The following PLXNA4 variants were observed in gnomAD, a reference collection of about 807,000 sequenced individuals.
The protein encoded by PLXNA4 is plexin A4.
Under a neutral mutation model 191.8 loss-of-function variants are expected in PLXNA4, and 44 were observed. That is an observed-to-expected ratio of 0.23 (90% CI 0.18 to 0.29). The LOEUF is 0.29. PLXNA4 is among the 10% of genes least tolerant of loss of function. The pLI, the probability that PLXNA4 is intolerant of heterozygous loss-of-function variation, is 1.00. For synonymous variants in PLXNA4, 1,082 were observed against 1,009.5 expected (o/e 1.07, Z -1.36); for missense variants, 1,800 against 2,488.8 (o/e 0.72, Z 5.89).
chr7:132,389,878 C>A (rs1256106181), intron 3 of PLXNA4, among the ~76,000 whole-genome samples: 1 of 152,122 alleles, frequency 6.6e-6, no homozygotes, highest in Non-Finnish European at 1.5e-5. Flanking sequence ...TACCATCTCA[C>A]ACCAGTTAGA....
At chr7:132,166,806 G>GT (rs1268634022) in intron 22 of PLXNA4, among the ~76,000 whole-genome samples, 1 of 152,152 alleles carries the variant, frequency 6.6e-6, no homozygotes. Flanking sequence ...AATTATGCCA[G>GT]TGGGTGGCTG....
chr7:132,494,157 G>T lies in PLXNA4; in HGVS notation c.1189-4683C>A, dbSNP rs1214159991. Among the ~76,000 whole-genome samples, 3 of 152,180 alleles carry T rather than the reference G, an allele frequency of 2.0e-5. No homozygotes were observed. In the East Asian group the frequency reaches 5.8e-4, roughly 29 times the overall value. ...ATGGTATCTATCTCAGAGGTATCAT[G>T]AAAATTAAAGGGGCTAATGTTGTGA... is the stretch of plus-strand genomic sequence containing the variant. On this transcript the variant is annotated intron_variant, in intron 2 of 31. Transcript: ENST00000321063.
At chr7:132,209,835 A>AG (rs1474812200) in intron 10 of PLXNA4, among the ~76,000 whole-genome samples, 2 of 152,280 alleles carry the variant, frequency 1.3e-5, no homozygotes, top group East Asian at 3.9e-4. Flanking sequence ...GTGACATAGG[A>AG]GGGGTCCTCA....
chr7:132,562,985 T>C (rs144302808), intron 1 of PLXNA4, among the ~76,000 whole-genome samples: 615 of 7,492 alleles, frequency 0.082, no homozygotes, highest in East Asian at 0.22. Context: ...TCCTCCTCCT[T>C]CTCCTCCTCC....
chr7:132,647,976 T>A (rs1275203263), intron 1 of PLXNA4, among the ~76,000 whole-genome samples: 1 of 151,672 alleles, frequency 6.6e-6, no homozygotes, highest in East Asian at 1.9e-4. Context: ...TATACTCACA[T>A]AAACACTCAT....
chr7:132,641,637 G>A (rs975617743), intron 2 of PLXNA4, among the ~76,000 whole-genome samples: 2 of 152,096 alleles, frequency 1.3e-5, no homozygotes, highest in East Asian at 1.9e-4. Flanking sequence ...CTTATCTTTC[G>A]AATAATAAAA....
At chr7:132,274,273 T>A (rs1800188189) in intron 4 of PLXNA4, among the ~76,000 whole-genome samples, 1 of 151,394 alleles carries the variant, frequency 6.6e-6, no homozygotes, top group Non-Finnish European at 1.5e-5. Context: ...TATGTATATA[T>A]ATATATATAT....
At chr7:132,228,844 C>A (rs1380973992) in intron 5 of PLXNA4, among the ~76,000 whole-genome samples, 1 of 152,174 alleles carries the variant, frequency 6.6e-6, no homozygotes, top group Non-Finnish European at 1.5e-5. Context: ...AGAAAATATA[C>A]CTCCTTGGCT....
rs78724325 is a variant in PLXNA4, at chr7:132,546,438, C to T, written c.-87+29984G>A. ...ATGCACCAGTAAAATTTTTTTAAGT[C>T]CAGAGAAAGTAGAACTCTGGTGAAA... On this transcript the variant is annotated intron_variant, in intron 1 of 31. Transcript: ENST00000321063. Among the ~76,000 whole-genome samples the T allele has an allele frequency of 4.6e-5, 7 of 152,134 alleles. No homozygotes were observed. In the East Asian group the frequency reaches 1.4e-3, roughly 29 times the overall value.
At chr7:132,515,696 C>T (rs552899737) in intron 1 of PLXNA4, among the ~76,000 whole-genome samples, 2 of 152,178 alleles carry the variant, frequency 1.3e-5, no homozygotes, top group African/African-American at 4.8e-5. Context: ...TGAGCATTTG[C>T]CTTAGGAGCT....
chr7:132,443,489 C>G (rs1197878003), intron 3 of PLXNA4, among the ~76,000 whole-genome samples: 1 of 152,190 alleles, frequency 6.6e-6, no homozygotes, highest in African/African-American at 2.4e-5. Flanking sequence ...ACTGTGATCT[C>G]TCTGCCCTCT....
chr7:132,307,010 C>T (rs936910335), intron 3 of PLXNA4, among the ~76,000 whole-genome samples: 15 of 152,034 alleles, frequency 9.9e-5, no homozygotes, highest in Non-Finnish European at 2.1e-4. Context: ...AGAAAGGGGA[C>T]CTTCCTTGTG....
chr7:132,133,077 A>C lies in PLXNA4; in HGVS notation c.5561T>G (p.Phe1854Cys). 1 of 1,614,062 alleles carries C rather than the reference A, an allele frequency of 6.2e-7. No individual in the cohort carries two copies. The highest frequency in any genetic ancestry group is 8.5e-7 in the Non-Finnish European group (1 of 1,179,992). Residue 1854 changes from phenylalanine to cysteine, a missense_variant, in exon 31 of 32, where the codon TTC becomes TGC. Around this residue, in one of 6 missense-constraint regions of PLXNA4, gnomAD observed 83 missense variants for 81.6 expected, o/e 1.02. Transcript: ENST00000321063. Reference sequence around the variant, plus strand: ...CTCGCTGTATTTGCCCACATAGGAGAAGATCTCTGAGAGTGCACTCATGGT... The same window carrying C: ...CTCGCTGTATTTGCCCACATAGGAGCAGATCTCTGAGAGTGCACTCATGGT... Reference protein sequence around the residue: ...FNTMSALSEIFSYVGKYSEEI... With the variant: ...FNTMSALSEICSYVGKYSEEI...
At chr7:132,446,200 C>T (rs888749803) in intron 3 of PLXNA4, among the ~76,000 whole-genome samples, 1 of 152,202 alleles carries the variant, frequency 6.6e-6, no homozygotes, top group Non-Finnish European at 1.5e-5. Flanking sequence ...TTGCATGTAG[C>T]GTGCTTAGAC....
chr7:132,572,873 G>GGCCAATTACCCTA (rs1802043925), intron 1 of PLXNA4, among the ~76,000 whole-genome samples: 1 of 152,192 alleles, frequency 6.6e-6, no homozygotes. Context: ...AGAGCCTATA[G>GGCCAATTACCCTA]GCCAATTACC....
intron 14 of PLXNA4, among the ~76,000 whole-genome samples, chr7:132,192,552 G>A (rs1206216444): frequency 6.6e-6 from 1 of 151,514 alleles, no homozygotes. Flanking sequence ...GAGGGGTGGG[G>A]GTGCAGAAGG....
At chr7:132,215,835 C>T (rs944623880) in intron 9 of PLXNA4, among the ~76,000 whole-genome samples, 7 of 152,184 alleles carry the variant, frequency 4.6e-5, no homozygotes, top group African/African-American at 1.7e-4. Context: ...ATGCCCCTTC[C>T]CATACCTTGC....
intron 2 of PLXNA4, among the ~76,000 whole-genome samples, chr7:132,620,961 G>T (rs1803248807): frequency 6.6e-6 from 1 of 152,100 alleles, no homozygotes; most frequent in Non-Finnish European, 1.5e-5. Flanking sequence ...CCTCCTTCTT[G>T]CTGTATCCTC....
At chr7:132,401,941 A>G (rs1046615243) in intron 3 of PLXNA4, among the ~76,000 whole-genome samples, 6 of 152,164 alleles carry the variant, frequency 3.9e-5, no homozygotes, top group Non-Finnish European at 8.8e-5. Context: ...GCTTCAGAAT[A>G]TAGTATCGAT....
Sources: allele counts gnomAD v4.1 joint callset (sites outside exome capture counted in the v4.1 genomes callset), GRCh38; gene constraint gnomAD v4.1.1; regional missense constraint gnomAD v4.1.1; transcripts MANE v1.5; gene names NCBI Gene and HGNC (gene_info 2026-07-23, HGNC 2026-07-21).